Variants in TMEM239 observed in about 807,000 individuals in gnomAD.
The protein encoded by TMEM239 is transmembrane protein 239.
A neutral mutation model predicts 14.6 loss-of-function variants in TMEM239; 10 were observed. The observed-to-expected ratio is 0.68, with a 90% CI of 0.42 to 1.16. The LOEUF is 1.16. Among genes scored for constraint, TMEM239 ranks in the 50% most tolerant of loss-of-function variants. The pLI is 0.00. For missense variants in TMEM239, 183 were observed against 194.4 expected, an observed-to-expected ratio of 0.94 and a Z score of 0.35; for synonymous variants, 94 against 89.9, an observed-to-expected ratio of 1.05 and a Z score of -0.26.
Position 2,816,824 on chromosome 20 carries a change from C to T in TMEM239, c.270C>T (p.Ser90=). 19 of 1,550,596 alleles carry T rather than the reference C, an allele frequency of 1.2e-5. No homozygotes were observed. Among genetic ancestry groups the T allele is most frequent in the Non-Finnish European group, 1.7e-5 (19 of 1,147,004 alleles). ...TCACCACTGGCTCCCACCTGCTGAG[C>T]TCCTTGTGGCCTGTCGTGGCCGCGG... ...ALFTTGSHLL[S]SLWPVVAAVW... is the part of the protein sequence containing the mutation. The change falls in exon 2 of 2, where the codon AGC becomes AGT. Residue 90 remains serine, a synonymous_variant. Transcript: ENST00000380585.
upstream of TMEM239, among the ~76,000 whole-genome samples, chr20:2,816,119 G>T (rs1178231241): frequency 1.3e-5 from 2 of 152,152 alleles, no homozygotes; most frequent in Non-Finnish European, 2.9e-5. Flanking sequence ...ATATCAGCCA[G>T]CAGGGAAAGC....
chr20:2,817,731 C>G lies in TMEM239; in HGVS notation c.*718C>G, dbSNP rs201003601. ...CAAGAAATCCCATTTCACCCACTTA[C>G]ACAATGTGTGGCCTTGGCCAATTAA... On this transcript the variant is annotated 3_prime_UTR_variant, in exon 2 of 2. Coordinates refer to ENST00000380585, the MANE Select transcript of TMEM239 (RefSeq NM_001167670.3). The G allele has an allele frequency of 6.5e-6, 1 of 152,916 alleles. No individual in the cohort carries two copies. The highest frequency in any genetic ancestry group is 2.4e-5 in the African/African-American group (1 of 41,474). The allele number at this position is 152,916 out of a possible 1,614,324, so 9.5% of individuals were successfully genotyped here. A position where few individuals can be genotyped will look rare whatever the true frequency, so the allele number is the denominator to read the frequency against.
chr20:2,817,332 C>CTA lies in TMEM239; in HGVS notation c.*319_*320insTA. ...TATGGATGTGATGATACCCGTGGGG[C>CTA]CCCCTTGGCAACTGACAGCATCTTT... On this transcript the variant is annotated 3_prime_UTR_variant, in exon 2 of 2. Transcript: ENST00000380585. 2.0e-6 allele frequency: 1 copy of CTA among 500,062 alleles called. No individual in the cohort carries two copies. Among genetic ancestry groups the CTA allele is most frequent in the Non-Finnish European group, 3.5e-6 (1 of 284,208 alleles). The allele number at this position is 500,062 out of a possible 1,614,324, so 31.0% of individuals were successfully genotyped here. A position where few individuals can be genotyped will look rare whatever the true frequency, so the allele number is the denominator to read the frequency against.
At position 2,817,019 on chromosome 20, in the gene TMEM239, C is replaced by A. The variant is rs1600280080; in HGVS notation, c.*6C>A. The A allele has an allele frequency of 6.5e-7, 1 of 1,537,840 alleles. No individual in the cohort carries two copies. Among genetic ancestry groups the A allele is most frequent in the East Asian group, 2.4e-5 (1 of 40,920 alleles). On this transcript the variant is annotated 3_prime_UTR_variant, in exon 2 of 2. Coordinates refer to ENST00000380585, the MANE Select transcript of TMEM239 (RefSeq NM_001167670.3). ...CTCAGGATTTGGATCAATAGAAGGG[C>A]AACCCCATCCCACTGCCTGTGTCTG...
Position 2,817,188 on chromosome 20 carries a change from C to T in TMEM239, c.*175C>T. On this transcript the variant is annotated 3_prime_UTR_variant, in exon 2 of 2. Coordinates refer to ENST00000380585, the MANE Select transcript of TMEM239 (RefSeq NM_001167670.3). ...GGACTCCTTCCTCAAGTCAATGCTG[C>T]AGGTTCCTGGTGTGAGGGGCTGGGG... 1 of 806,010 alleles carries T rather than the reference C, an allele frequency of 1.2e-6. No individual in the cohort carries two copies. Among genetic ancestry groups the T allele is most frequent in the Non-Finnish European group, 1.9e-6 (1 of 522,734 alleles). 49.9% of individuals were successfully genotyped at this position (806,010 alleles called of 1,614,324 possible).
Position 2,816,920 on chromosome 20 carries a change from C to T in TMEM239, c.366C>T (p.Ala122=). 1 of 1,539,750 alleles carries T rather than the reference C, an allele frequency of 6.5e-7. No individual in the cohort carries two copies. Among genetic ancestry groups the T allele is most frequent in the South Asian group, 1.2e-5 (1 of 84,066 alleles). The change falls in exon 2 of 2, where the codon GCC becomes GCT. Residue 122 remains alanine, a synonymous_variant. Coordinates refer to ENST00000380585, the MANE Select transcript of TMEM239 (RefSeq NM_001167670.3). ...CTCTGCCTGCCCTCCTCTTCACGGC[C>T]TCCTTCCTGCTGCTCTTCTCCACAC... ...LSALPALLFT[A]SFLLLFSTLL...
intron 1 of TMEM239, 53 bp from the exon 2 acceptor site, chr20:2,816,491 G>GC (rs11475648): frequency 1.3e-3 from 1,739 of 1,348,954 alleles, no homozygotes; most frequent in Non-Finnish European, 1.2e-3. Context: ...CCCCCTCTCT[G>GC]CCCCCCCCCC....
rs999460780 is a variant in TMEM239 at position 2,817,117 on chromosome 20, C to T, written c.*104C>T. The T allele has an allele frequency of 1.4e-6, 2 of 1,420,460 alleles. No individual in the cohort carries two copies. The highest frequency in any genetic ancestry group is 2.2e-5 in the Admixed American group (1 of 44,854). 88.0% of individuals were successfully genotyped at this position (1,420,460 alleles called of 1,614,324 possible). A position where few individuals can be genotyped will look rare whatever the true frequency, so the allele number is the denominator to read the frequency against. On this transcript the variant is annotated 3_prime_UTR_variant, in exon 2 of 2. Coordinates refer to ENST00000380585, the MANE Select transcript of TMEM239 (RefSeq NM_001167670.3). ...ATGGGATCAGGGCTCCCTGCCTTGG[C>T]AGGGCCCAGACCCCTAGTCCCTAAC...
chr20:2,816,325 G>GT (rs1275499465), upstream of TMEM239: 9 of 1,535,678 alleles, frequency 5.9e-6, no homozygotes, highest in Non-Finnish European at 8.7e-7. Context: ...TCTGGGGAGG[G>GT]TGGGGGTAGA....
In TMEM239 at chr20:2,817,396, T is replaced by C; in HGVS notation, c.*383T>C. On this transcript the variant is annotated 3_prime_UTR_variant, in exon 2 of 2. Transcript: ENST00000380585. ...TCAGCTGTCTCAGCTTCAGACTCAC[T>C]GAGAACTTCTACCTGGGTACCACTG... 2.6e-6 allele frequency: 1 copy of C among 379,012 alleles called. No individual in the cohort carries two copies. The highest frequency in any genetic ancestry group is 4.8e-6 in the Non-Finnish European group (1 of 209,768). The allele number at this position is 379,012 out of a possible 1,614,324, so 23.5% of individuals were successfully genotyped here. A position where few individuals can be genotyped will look rare whatever the true frequency, so the allele number is the denominator to read the frequency against.
In TMEM239 at chr20:2,817,928, G is replaced by C. The variant is rs965514587; in HGVS notation, c.*915G>C. The C allele has an allele frequency of 3.9e-5, 6 of 152,216 alleles. No individual in the cohort carries two copies. The highest frequency in any genetic ancestry group is 8.8e-5 in the Non-Finnish European group (6 of 68,034). The allele number at this position is 152,216 out of a possible 1,614,324, so 9.4% of individuals were successfully genotyped here. A position where few individuals can be genotyped will look rare whatever the true frequency, so the allele number is the denominator to read the frequency against. On this transcript the variant is annotated 3_prime_UTR_variant, in exon 2 of 2. Transcript: ENST00000380585. Reference sequence around the variant, plus strand: ...AGATCTTTTGACCCCAAAGACTGTTGAAGGAACAGGAAGCTTCTCTGGGCT... The same window carrying C: ...AGATCTTTTGACCCCAAAGACTGTTCAAGGAACAGGAAGCTTCTCTGGGCT...
rs781448830 is a variant in TMEM239 at position 2,816,710 on chromosome 20, G to A, written c.156G>A (p.Ser52=). 79 of 1,547,126 alleles carry A rather than the reference G, an allele frequency of 5.1e-5. No individual in the cohort carries two copies. In the South Asian group the frequency reaches 6.8e-4, roughly 13 times the overall value. Residue 52 remains serine (S), a synonymous_variant, in exon 2 of 2, where the codon TCG becomes TCA. Transcript: ENST00000380585. ...GCTGGATCCAGTGGTGGAGCACCTC[G>A]AACTGGCGGCAACCGCTGCAGCGCC... ...PPSWIQWWST[S]NWRQPLQRLL... is the part of the protein sequence containing the mutation.
chr20:2,819,630 T>G (rs1239349469), downstream of TMEM239: 1 of 146,410 alleles, frequency 6.8e-6, no homozygotes, highest in South Asian at 2.1e-4. Context: ...CAGGCTGGAG[T>G]GCAGTGGTGC....
upstream of TMEM239, chr20:2,815,978 G>A (rs2088664301): frequency 1.6e-6 from 1 of 618,360 alleles, no homozygotes; most frequent in Middle Eastern, 3.8e-4. Flanking sequence ...TAGCCAGGGA[G>A]CCCAAGGAAG....
chr20:2,817,118 A>C lies in TMEM239; in HGVS notation c.*105A>C. On this transcript the variant is annotated 3_prime_UTR_variant, in exon 2 of 2. Coordinates refer to ENST00000380585, the MANE Select transcript of TMEM239 (RefSeq NM_001167670.3). ...TGGGATCAGGGCTCCCTGCCTTGGC[A>C]GGGCCCAGACCCCTAGTCCCTAACA... 2.1e-6 allele frequency: 3 copies of C among 1,422,536 alleles called. No individual in the cohort carries two copies. Among genetic ancestry groups the C allele is most frequent in the Non-Finnish European group, 2.8e-6 (3 of 1,061,768 alleles). The allele number at this position is 1,422,536 out of a possible 1,614,324, so 88.1% of individuals were successfully genotyped here.
upstream of TMEM239, chr20:2,816,230 C>A: frequency 2.0e-6 from 2 of 986,056 alleles, no homozygotes; most frequent in South Asian, 2.9e-5. Context: ...AGGGTCCGTG[C>A]AGAGGGACTT....
rs1375364091 is a variant in TMEM239, at chr20:2,816,604, G to C, written c.50G>C (p.Gly17Ala). Residue 17 changes from glycine to alanine, a missense_variant, in exon 2 of 2, where the codon GGG (glycine) becomes GCG (alanine). Gly to Ala is a moderately conservative substitution (Grantham distance 60, BLOSUM62 0). Coordinates refer to ENST00000380585, the MANE Select transcript of TMEM239 (RefSeq NM_001167670.3). ...ACAGATACCATCGGGGCTGGCGAGG[G>C]GCCACAGCAGGCAGTGCCCTGGTCA... ...VETDTIGAGE[G>A]PQQAVPWSAW... 1 of 1,537,994 alleles carries C rather than the reference G, an allele frequency of 6.5e-7. No individual in the cohort carries two copies. The highest frequency in any genetic ancestry group is 2.4e-5 in the East Asian group (1 of 40,890).
rs1438814568 is a variant in TMEM239 at position 2,816,956 on chromosome 20, T to C, written c.402T>C (p.Leu134=). 6.5e-7 allele frequency: 1 copy of C among 1,538,354 alleles called. No individual in the cohort carries two copies. The highest frequency in any genetic ancestry group is 1.2e-5 in the South Asian group (1 of 84,068). Residue 134 remains leucine, a synonymous_variant, in exon 2 of 2, where the codon CTT becomes CTC. Coordinates refer to ENST00000380585, the MANE Select transcript of TMEM239 (RefSeq NM_001167670.3). ...FLLLFSTLLS[L]VGLLTSMTHP... ...TGCTCTTCTCCACACTGCTGAGCCT[T>C]GTGGGCCTCCTCACCTCCATGACTC...
rs2088675730 is a variant in TMEM239, at chr20:2,816,610, A to C, written c.56A>C (p.Gln19Pro). ...TDTIGAGEGP[Q>P]QAVPWSAWVT... ...ACCATCGGGGCTGGCGAGGGGCCAC[A>C]GCAGGCAGTGCCCTGGTCAGCCTGG... Residue 19 changes from glutamine to proline, a missense_variant, in exon 2 of 2, where the codon CAG (glutamine) becomes CCG (proline). Gln to Pro is a moderately conservative substitution (Grantham distance 76). Coordinates refer to ENST00000380585, the MANE Select transcript of TMEM239 (RefSeq NM_001167670.3). 6.5e-7 allele frequency: 1 copy of C among 1,538,312 alleles called. No individual in the cohort carries two copies. Among genetic ancestry groups the C allele is most frequent in the South Asian group, 1.2e-5 (1 of 84,040 alleles).
Sources: gnomAD v4.1 joint callset for allele counts (sites outside exome capture counted in the v4.1 genomes callset) on GRCh38, gnomAD v4.1.1 for gene constraint, MANE v1.5 for transcripts, NCBI Gene and HGNC (gene_info 2026-07-23, HGNC 2026-07-21) for gene names.